The following COL9A1 variants were observed in gnomAD, a reference collection of about 807,000 sequenced individuals.
The protein encoded by COL9A1 is collagen type IX alpha 1 chain.
A neutral mutation model predicts 142.6 loss-of-function variants in COL9A1; 104 were observed. That is an observed-to-expected ratio of 0.73 (90% CI 0.62 to 0.86). The LOEUF is 0.86. Ranked by LOEUF, COL9A1 falls within the 40% of genes least tolerant of loss-of-function variation. The pLI is 0.00. For missense variants in COL9A1, 1,210 were observed against 1,176.6 expected, an observed-to-expected ratio of 1.03 and a Z score of -0.42; for synonymous variants, 466 against 396.0, an observed-to-expected ratio of 1.18 and a Z score of -2.10.
At position 70,272,172 on chromosome 6, in the gene COL9A1, A is replaced by C. The variant is rs113098563; in HGVS notation, c.1066-84T>G. ...ATGTAGACATAACTCAGCTAAAATA[A>C]ACCATAAACTCTATTACTAAAAATG... On this transcript the variant is annotated intron_variant, in intron 12 of 37. Transcript: ENST00000357250. 2.3e-5 allele frequency: 26 copies of C among 1,124,970 alleles called. No individual in the cohort carries two copies. The African/African-American group carries it at 2.5e-4, about 11-fold the overall frequency. The allele number at this position is 1,124,970 out of a possible 1,614,324, so 69.7% of individuals were successfully genotyped here. A position where few individuals can be genotyped will look rare whatever the true frequency, so the allele number is the denominator to read the frequency against.
At chr6:70,233,716 C>A (rs1213060927) in intron 35 of COL9A1, among the ~76,000 whole-genome samples, 1 of 152,096 alleles carries the variant, frequency 6.6e-6, no homozygotes, top group Admixed American at 6.5e-5. Flanking sequence ...AATGAAGAGG[C>A]CTATATTGCT....
intron 28 of COL9A1, among the ~76,000 whole-genome samples, chr6:70,243,189 G>T (rs556341678): frequency 6.6e-6 from 1 of 152,256 alleles, no homozygotes; most frequent in East Asian, 1.9e-4. Flanking sequence ...AGATATGTTT[G>T]CCTTTAAATT....
chr6:70,281,300 G>GAAA lies in COL9A1; in HGVS notation c.876+87_876+89dup, dbSNP rs34962262. On this transcript the variant is annotated intron_variant, in intron 8 of 37. Transcript: ENST00000357250. Reference sequence around the variant, plus strand: ...GGAAGGGGAGACCCTGGTCCTCTCTGAAAAAAAAAAAAACCCCACAGGAGC... The same window carrying GAAA: ...GGAAGGGGAGACCCTGGTCCTCTCTGAAAAAAAAAAAAAAAACCCCACAGGAGC... 5.7e-4 allele frequency: 631 copies of GAAA among 1,098,814 alleles called. No individual in the cohort carries two copies. In the African/African-American group the frequency reaches 6.8e-3, roughly 12 times the overall value. The allele number at this position is 1,098,814 out of a possible 1,614,324, so 68.1% of individuals were successfully genotyped here.
In COL9A1 at chr6:70,274,059, C is replaced by G; in HGVS notation, c.1053G>C (p.Ser351=). The change falls in exon 12 of 38, where the codon TCG becomes TCC. Residue 351 remains serine, a synonymous_variant. Coordinates refer to ENST00000357250, the MANE Select transcript of COL9A1 (RefSeq NM_001851.6). ...GQKGEPGVPG[S]RGFPGRGIPG... ...TACATTTACTTACTGGAAATCCACG[C>G]GATCCAGGCACACCAGGTTCTCCCT... 6.4e-7 allele frequency: 1 copy of G among 1,562,758 alleles called. No homozygotes were observed. Among genetic ancestry groups the G allele is most frequent in the South Asian group, 1.2e-5 (1 of 82,118 alleles).
chr6:70,295,134 G>A (rs1304954667), intron 4 of COL9A1, among the ~76,000 whole-genome samples: 1 of 152,052 alleles, frequency 6.6e-6, no homozygotes, highest in Non-Finnish European at 1.5e-5. Flanking sequence ...CAGTAACTGA[G>A]GACTTCAGGA....
chr6:70,254,600 G>T, intron 24 of COL9A1, 71 bp from the exon 25 acceptor site: 1 of 1,422,754 alleles, frequency 7.0e-7, no homozygotes, highest in Non-Finnish European at 9.9e-7. Flanking sequence ...AAACGGAGGA[G>T]CACAGACGTT....
intron 5 of COL9A1, among the ~76,000 whole-genome samples, chr6:70,288,135 T>A (rs1226471400): frequency 2.0e-5 from 3 of 152,180 alleles, no homozygotes; most frequent in African/African-American, 7.2e-5. Flanking sequence ...AACTAACTCC[T>A]GATACTCTCC....
chr6:70,270,872 T>A (rs149276261), intron 14 of COL9A1, among the ~76,000 whole-genome samples: 29 of 152,304 alleles, frequency 1.9e-4, no homozygotes, highest in African/African-American at 6.7e-4. Context: ...TTGCAATGAG[T>A]CAGAAAATCA....
chr6:70,240,974 T>A (rs1323256682), intron 31 of COL9A1, among the ~76,000 whole-genome samples: 1 of 152,096 alleles, frequency 6.6e-6, no homozygotes, highest in African/African-American at 2.4e-5. Flanking sequence ...TAAATGACCA[T>A]ATTCAACAAT....
In COL9A1 at chr6:70,216,718, T is replaced by G; in HGVS notation, c.*179A>C. 1 of 674,584 alleles carries G rather than the reference T, an allele frequency of 1.5e-6. No homozygotes were observed. The highest frequency in any genetic ancestry group is 2.6e-6 in the Non-Finnish European group (1 of 377,780). The allele number at this position is 674,584 out of a possible 1,614,324, so 41.8% of individuals were successfully genotyped here. A position where few individuals can be genotyped will look rare whatever the true frequency, so the allele number is the denominator to read the frequency against. On this transcript the variant is annotated 3_prime_UTR_variant, in exon 38 of 38. Transcript: ENST00000357250. ...CCAAGGGAAAGGAAAGAGAACTTAC[T>G]GAATAGCACCGTTCTTCTATATGTG...
chr6:70,274,107 T>G, intron 11 of COL9A1, 25 bp from the exon 12 acceptor site: 1 of 1,573,056 alleles, frequency 6.4e-7, no homozygotes, highest in South Asian at 1.2e-5. Flanking sequence ...AGTTTCATTG[T>G]ACTGACCTTT....
intron 4 of COL9A1, among the ~76,000 whole-genome samples, chr6:70,298,608 G>A (rs564023383): frequency 1.3e-5 from 2 of 152,206 alleles, no homozygotes; most frequent in East Asian, 1.9e-4. Context: ...AGACAACAAC[G>A]AAGATGAGCA....
At chr6:70,234,961 A>G in intron 33 of COL9A1, 21 bp from the exon 34 acceptor site, 1 of 1,614,070 alleles carries the variant, frequency 6.2e-7, no homozygotes, top group Non-Finnish European at 8.5e-7. Context: ...ATTGCACACT[A>G]TCAAACCAGG....
intron 28 of COL9A1, among the ~76,000 whole-genome samples, chr6:70,245,184 T>G (rs1457470605): frequency 6.6e-6 from 1 of 152,232 alleles, no homozygotes; most frequent in African/African-American, 2.4e-5. Context: ...GAGTTTCTGA[T>G]GCCCATTCAT....
At chr6:70,255,095 T>A in intron 23 of COL9A1, 55 bp downstream of exon 23, 1 of 1,613,330 alleles carries the variant, frequency 6.2e-7, no homozygotes, top group Non-Finnish European at 8.5e-7. Context: ...TAAAGTTTCA[T>A]TGCAAGTCAA....
At position 70,266,810 on chromosome 6, in the gene COL9A1, C is replaced by A. The variant is rs1772046998; in HGVS notation, c.1288-40G>T. ...ATAAGTAATTGTCTTGAGTTTGGTACAGAAAGTGATCAGAAGGCTCATAAA... is the reference window on the plus strand; with the variant it reads ...ATAAGTAATTGTCTTGAGTTTGGTAAAGAAAGTGATCAGAAGGCTCATAAA... On this transcript the variant is annotated intron_variant, in intron 17 of 37. Coordinates refer to ENST00000357250, the MANE Select transcript of COL9A1 (RefSeq NM_001851.6). The A allele has an allele frequency of 3.2e-6, 5 of 1,543,470 alleles. No homozygotes were observed. The South Asian group carries it at 5.6e-5, about 17-fold the overall frequency.
intron 36 of COL9A1, among the ~76,000 whole-genome samples, chr6:70,226,556 G>A (rs1238667720): frequency 6.6e-6 from 1 of 151,570 alleles, no homozygotes; most frequent in Admixed American, 6.6e-5. Flanking sequence ...ATTAATATAT[G>A]GAAATTAAAA....
intron 4 of COL9A1, 24 bp downstream of exon 4, chr6:70,300,019 A>G (rs1246641516): frequency 1.2e-6 from 2 of 1,609,290 alleles, no homozygotes; most frequent in African/African-American, 2.7e-5. Context: ...AGATAATTAG[A>G]TTAAAATATT....
At chr6:70,228,834 A>G (rs1356532899) in intron 36 of COL9A1, among the ~76,000 whole-genome samples, 3 of 152,132 alleles carry the variant, frequency 2.0e-5, no homozygotes, top group Non-Finnish European at 2.9e-5. Context: ...ATTCATCATC[A>G]ATATGGCCTT....
Sources: gnomAD v4.1 joint callset for allele counts (sites outside exome capture counted in the v4.1 genomes callset) on GRCh38, gnomAD v4.1.1 for gene constraint, MANE v1.5 for transcripts, NCBI Gene and HGNC (gene_info 2026-07-23, HGNC 2026-07-21) for gene names.